Variants in ABCA1 observed in about 807,000 individuals in gnomAD.
ABCA1 encodes ATP binding cassette subfamily A member 1, also known as phospholipid-transporting ATPase ABCA1.
Under a neutral mutation model 262.5 loss-of-function variants are expected in ABCA1, and 133 were observed. The observed-to-expected ratio is 0.51, with a 90% CI of 0.44 to 0.59. ABCA1 has a LOEUF of 0.59. ABCA1 is among the 20% of genes least tolerant of loss of function. The pLI is 0.00. For missense variants in ABCA1, 2,452 were observed against 2,777.5 expected (o/e 0.88, Z 2.63); for synonymous variants, 1,022 against 1,043.5 (o/e 0.98, Z 0.40).
intron 5 of ABCA1, among the ~76,000 whole-genome samples, chr9:104,862,643 CCGG>C (rs1836557823): frequency 2.9e-4 from 1 of 3,490 alleles, no homozygotes; most frequent in Non-Finnish European, 6.9e-4. Flanking sequence ...CCGGGCCGGG[CCGG>C]GCCGGGCCGG....
At chr9:104,823,542 C>T (rs559906790) in intron 18 of ABCA1, among the ~76,000 whole-genome samples, 33 of 152,152 alleles carry the variant, frequency 2.2e-4, no homozygotes, top group South Asian at 1.9e-3. Flanking sequence ...TTTTCTTTCA[C>T]GTGCCATGGA....
At chr9:104,825,146 G>C (rs1228139083) in intron 17 of ABCA1, among the ~76,000 whole-genome samples, 3 of 152,162 alleles carry the variant, frequency 2.0e-5, no homozygotes, top group African/African-American at 7.2e-5. Context: ...TTAAATCACA[G>C]GCAGGCCTTA....
chr9:104,788,318 G>T, intron 45 of ABCA1, 108 bp downstream of exon 45: 1 of 1,499,328 alleles, frequency 6.7e-7, no homozygotes, highest in Non-Finnish European at 9.3e-7. Context: ...TTGTGCTGCT[G>T]CATTCATGAG....
intron 6 of ABCA1, among the ~76,000 whole-genome samples, chr9:104,859,677 G>A (rs961566414): frequency 6.6e-6 from 1 of 152,206 alleles, no homozygotes; most frequent in Non-Finnish European, 1.5e-5. Flanking sequence ...AGATACTCAA[G>A]CACACTTCAG....
rs1378785661 is a variant in ABCA1 at position 104,790,952 on chromosome 9, G to T, written c.5897C>A (p.Thr1966Asn). 4.3e-6 allele frequency: 7 copies of T among 1,613,278 alleles called. No homozygotes were observed. The South Asian group carries it at 7.7e-5, about 18-fold the overall frequency. Residue 1966 changes from threonine (T) to asparagine (N), a missense_variant, in exon 44 of 50, where the codon ACC (threonine) becomes AAC (asparagine). Transcript: ENST00000374736. ...TTTGTTAAGGAAAGCATCTCCTCTG[G>T]TAACAGTGGTATCTCCTGTTAACAT... Reference protein sequence around the residue: ...FKMLTGDTTVTRGDAFLNKNS... With the variant: ...FKMLTGDTTVNRGDAFLNKNS...
intron 1 of ABCA1, among the ~76,000 whole-genome samples, chr9:104,920,046 G>T (rs1842057561): frequency 6.6e-6 from 1 of 152,198 alleles, no homozygotes. Context: ...ATACAGACCT[G>T]GGGTTAGAGG....
chr9:104,913,094 T>G (rs1178257723), intron 1 of ABCA1, among the ~76,000 whole-genome samples: 1 of 152,232 alleles, frequency 6.6e-6, no homozygotes, highest in Non-Finnish European at 1.5e-5. Context: ...ATCAGTGTCT[T>G]CAGATGTTCA....
intron 8 of ABCA1, 114 bp from the exon 9 acceptor site, chr9:104,840,633 C>A: frequency 9.0e-7 from 1 of 1,107,370 alleles, no homozygotes; most frequent in Non-Finnish European, 1.3e-6. Flanking sequence ...TCTCAAAAGC[C>A]ATGTCCCAGA....
At chr9:104,786,437 A>T (rs1397557945) in intron 47 of ABCA1, 47 bp from the exon 48 acceptor site, 1 of 1,501,192 alleles carries the variant, frequency 6.7e-7, no homozygotes, top group Non-Finnish European at 9.3e-7. Context: ...GATTCTCTGT[A>T]ACCATGAGAA....
rs537066904 is a variant in ABCA1 at position 104,879,883 on chromosome 9, C to T, written c.421+3156G>A. On this transcript the variant is annotated intron_variant, in intron 5 of 49. Transcript: ENST00000374736. ...TACTGAAACACAACCAGAGGAGAGG[C>T]AGAAATGGGGAGGAAAAACATTCCA... 2.9e-4 allele frequency among the ~76,000 whole-genome samples: 44 copies of T among 152,234 alleles called. 1 individual carries two copies. In the South Asian group the frequency reaches 8.3e-3, roughly 29 times the overall value.
At chr9:104,851,073 C>T (rs183738119) in intron 7 of ABCA1, among the ~76,000 whole-genome samples, 3 of 152,302 alleles carry the variant, frequency 2.0e-5, no homozygotes, top group African/African-American at 7.2e-5. Context: ...ATGTGTTAAT[C>T]ACAACATACC....
At position 104,909,654 on chromosome 9, in the gene ABCA1, A is replaced by ACACACACACG. The variant is rs770801372; in HGVS notation, c.-92-5884_-92-5883insCGTGTGTGTG. Among the ~76,000 whole-genome samples, 103 of 146,616 alleles carry ACACACACACG rather than the reference A, an allele frequency of 7.0e-4. 1 individual carries two copies. The highest frequency in any genetic ancestry group is 1.2e-3 in the African/African-American group (47 of 39,350). On this transcript the variant is annotated intron_variant, in intron 1 of 49. Coordinates refer to ENST00000374736, the MANE Select transcript of ABCA1 (RefSeq NM_005502.4). ...CACACACACACACACACACACACAC[A>ACACACACACG]TTCACAGGAAGCTGGCTGTGAAGGG...
chr9:104,809,391 GATAAATGCAGCAT>G, intron 30 of ABCA1, 62 bp downstream of exon 30: 1 of 1,358,940 alleles, frequency 7.4e-7, no homozygotes, highest in South Asian at 1.2e-5. Flanking sequence ...GCATGCAGTT[GATAAATGCAGCAT>G]ATTAGAAATC....
At chr9:104,914,598 C>T (rs896619297) in intron 1 of ABCA1, among the ~76,000 whole-genome samples, 16 of 152,060 alleles carry the variant, frequency 1.1e-4, no homozygotes, top group Admixed American at 7.9e-4. Flanking sequence ...ATCAGTGATC[C>T]CTGATAAATT....
intron 7 of ABCA1, 146 bp downstream of exon 7, chr9:104,858,376 A>C: frequency 2.2e-6 from 2 of 893,678 alleles, no homozygotes; most frequent in Non-Finnish European, 3.7e-6. Context: ...CACTAAGAAC[A>C]CTTAGAATAC....
At chr9:104,918,798 C>T (rs1473041478) in intron 1 of ABCA1, among the ~76,000 whole-genome samples, 1 of 152,140 alleles carries the variant, frequency 6.6e-6, no homozygotes, top group African/African-American at 2.4e-5. Flanking sequence ...AGGAAAGCTG[C>T]TGCTTGCATC....
Position 104,832,855 on chromosome 9 carries a change from T to TA in ABCA1, c.1312-85dup, listed in dbSNP as rs1221635323. On this transcript the variant is annotated intron_variant, in intron 11 of 49. Coordinates refer to ENST00000374736, the MANE Select transcript of ABCA1 (RefSeq NM_005502.4). Reference sequence around the variant, plus strand: ...ACAAAATTTACAAAATACTTGCATATACACTGTCGTTGTTTTATCCTCACA... The same window carrying TA: ...ACAAAATTTACAAAATACTTGCATATAACACTGTCGTTGTTTTATCCTCACA... The TA allele has an allele frequency of 1.6e-5, 21 of 1,275,284 alleles. No individual in the cohort carries two copies. The African/African-American group carries it at 2.8e-4, about 17-fold the overall frequency. 79.0% of individuals were successfully genotyped at this position (1,275,284 alleles called of 1,614,324 possible). A position where few individuals can be genotyped will look rare whatever the true frequency, so the allele number is the denominator to read the frequency against.
intron 2 of ABCA1, among the ~76,000 whole-genome samples, chr9:104,902,335 T>C (rs993283340): frequency 3.3e-5 from 5 of 152,196 alleles, no homozygotes; most frequent in African/African-American, 7.2e-5. Context: ...CTCATGAGGA[T>C]GGAACAGGTG....
intron 36 of ABCA1, chr9:104,799,524 A>T (rs1267206540): frequency 6.0e-5 from 59 of 982,248 alleles, no homozygotes; most frequent in Non-Finnish European, 7.0e-5. Context: ...CAAACTGATT[A>T]AACACTTATA....
Sources: allele counts gnomAD v4.1 joint callset (sites outside exome capture counted in the v4.1 genomes callset), GRCh38; gene constraint gnomAD v4.1.1; transcripts MANE v1.5; gene names NCBI Gene and HGNC (gene_info 2026-07-23, HGNC 2026-07-21).